KIAA1549L: variants seen among roughly 807,000 people sequenced by gnomAD.
KIAA1549L encodes UPF0606 protein KIAA1549L.
A neutral mutation model predicts 160.7 loss-of-function variants in KIAA1549L; 88 were observed. The observed-to-expected ratio is 0.55, with a 90% CI of 0.46 to 0.65. The LOEUF is 0.65. KIAA1549L is among the 30% of genes least tolerant of loss of function. The probability of loss-of-function intolerance (pLI) is 0.00; values close to 1 mark genes in which losing one functional copy is unlikely to be tolerated. For synonymous variants in KIAA1549L, 950 were observed against 976.7 expected (o/e 0.97, Z 0.51); for missense variants, 2,258 against 2,437.5 (o/e 0.93, Z 1.55).
intron 11 of KIAA1549L, among the ~76,000 whole-genome samples, chr11:33,586,637 C>T (rs1458423040): frequency 2.0e-5 from 3 of 152,018 alleles, no homozygotes; most frequent in African/African-American, 7.2e-5. Flanking sequence ...CTTGGAGGGT[C>T]TGTAATCTTT....
At chr11:33,561,609 C>T in intron 7 of KIAA1549L, 67 bp from the exon 8 acceptor site, 2 of 1,259,236 alleles carry the variant, frequency 1.6e-6, no homozygotes, top group Non-Finnish European at 2.3e-6. Context: ...TCAAATATAA[C>T]TAAATAAATG....
chr11:33,475,134 C>T (rs1416183926), intron 1 of KIAA1549L, among the ~76,000 whole-genome samples: 1 of 152,134 alleles, frequency 6.6e-6, no homozygotes, highest in Non-Finnish European at 1.5e-5. Flanking sequence ...CAGAGGGGGC[C>T]AGAGCTGTAT....
intron 1 of KIAA1549L, among the ~76,000 whole-genome samples, chr11:33,390,135 A>G (rs1276857880): frequency 6.6e-6 from 1 of 152,238 alleles, no homozygotes; most frequent in African/African-American, 2.4e-5. Context: ...TTCAGAAGAG[A>G]GAACTGAGGC....
At chr11:33,470,353 G>T (rs966851459) in intron 1 of KIAA1549L, among the ~76,000 whole-genome samples, 6 of 152,054 alleles carry the variant, frequency 3.9e-5, no homozygotes, top group African/African-American at 1.4e-4. Flanking sequence ...TGGACTCTCA[G>T]TTCTATTACA....
intron 9 of KIAA1549L, among the ~76,000 whole-genome samples, chr11:33,571,254 G>T (rs1230207802): frequency 2.0e-5 from 3 of 151,272 alleles, no homozygotes; most frequent in East Asian, 3.8e-4. Flanking sequence ...CTGCACTGCA[G>T]CCTGGTGACA....
At position 33,614,531 on chromosome 11, in the gene KIAA1549L, G is replaced by GCTATATATATATATAT. The variant is rs879500574; in HGVS notation, c.5280-4002_5280-4001insCTATATATATATATAT. Among the ~76,000 whole-genome samples the GCTATATATATATATAT allele has an allele frequency of 8.5e-4, 23 of 27,114 alleles. 8 individuals are homozygous for GCTATATATATATATAT. Among genetic ancestry groups the GCTATATATATATATAT allele is most frequent in the Admixed American group, 2.0e-3 (3 of 1,500 alleles). The allele number at this position is 27,114 out of a possible 152,430, so 17.8% of individuals were successfully genotyped here. Reference sequence around the variant, plus strand: ...CTCTTGGGATCTGTGAGTGTAACAAGATATATATATATATATATATATATA... The same window carrying GCTATATATATATATAT: ...CTCTTGGGATCTGTGAGTGTAACAAGCTATATATATATATATATATATATATATATATATATATATA... On this transcript the variant is annotated intron_variant, in intron 15 of 20. Transcript: ENST00000658780.
rs1324537637 is a variant in KIAA1549L at position 33,435,804 on chromosome 11, A to G, written c.238+58915A>G. 6.6e-3 allele frequency among the ~76,000 whole-genome samples: 113 copies of G among 17,094 alleles called. 1 individual carries two copies. Among genetic ancestry groups the G allele is most frequent in the African/African-American group, 8.4e-3 (26 of 3,092 alleles). The allele number at this position is 17,094 out of a possible 152,430, so 11.2% of individuals were successfully genotyped here. A position where few individuals can be genotyped will look rare whatever the true frequency, so the allele number is the denominator to read the frequency against. On this transcript the variant is annotated intron_variant, in intron 1 of 20. Transcript: ENST00000658780. ...TATATATATATATATATATATATAT[A>G]TATATATGTGTGTGTATATATATAT...
intron 7 of KIAA1549L, 80 bp downstream of exon 7, chr11:33,559,991 G>T: frequency 7.9e-7 from 1 of 1,262,596 alleles, no homozygotes; most frequent in African/African-American, 1.5e-5. Flanking sequence ...ATAGTGCCAG[G>T]CCACATACTA....
At chr11:33,665,046 C>T (rs1852393883) in intron 20 of KIAA1549L, among the ~76,000 whole-genome samples, 1 of 152,222 alleles carries the variant, frequency 6.6e-6, no homozygotes, top group Non-Finnish European at 1.5e-5. Context: ...CACACCCTCT[C>T]TGGTCAGCCT....
At chr11:33,616,871 G>T (rs758496847) in intron 15 of KIAA1549L, among the ~76,000 whole-genome samples, 6 of 152,148 alleles carry the variant, frequency 3.9e-5, no homozygotes, top group Non-Finnish European at 1.5e-5. Flanking sequence ...GGGCACGGAG[G>T]CTCACACCTG....
At position 33,658,829 on chromosome 11, in the gene KIAA1549L, T is replaced by A. The variant is rs1165451401; in HGVS notation, c.5938T>A (p.Ser1980Thr). ...GCCGGCCCAGCTGCACGACAGCGCC[T>A]CCTTCACGCAGATGTCCAGAGGCCC... ...PEPAQLHDSA[S>T]FTQMSRGPVS... is the part of the protein sequence containing the mutation. The change falls in exon 19 of 21, where the codon TCC becomes ACC. Residue 1980 changes from serine to threonine, a missense_variant. By Grantham distance (58) the Ser-to-Thr change is moderately conservative. This residue lies in a region of KIAA1549L where 1,359 missense variants were observed against 1,546.6 expected (regional missense o/e 0.88). Coordinates refer to ENST00000658780, the MANE Select transcript of KIAA1549L (RefSeq NM_012194.3). The A allele has an allele frequency of 6.4e-7, 1 of 1,564,534 alleles. No individual in the cohort carries two copies.
At chr11:33,552,432 G>T (rs1265595955) in intron 6 of KIAA1549L, among the ~76,000 whole-genome samples, 191 bp downstream of exon 6, 2 of 152,120 alleles carry the variant, frequency 1.3e-5, no homozygotes, top group African/African-American at 4.8e-5. Context: ...ACCTATTGTG[G>T]TTTGGGGTTT....
chr11:33,429,223 C>T (rs1262020248), intron 1 of KIAA1549L, among the ~76,000 whole-genome samples: 20 of 152,182 alleles, frequency 1.3e-4, no homozygotes, highest in Admixed American at 5.2e-4. Context: ...CCGCCCACCT[C>T]GGCCTCCCAA....
chr11:33,407,080 C>CCT (rs1491483483), intron 1 of KIAA1549L, among the ~76,000 whole-genome samples: 2 of 79,576 alleles, frequency 2.5e-5, no homozygotes, highest in African/African-American at 5.5e-5. Flanking sequence ...TTTCTTTTTT[C>CCT]ATTTTTTTTT....
intron 1 of KIAA1549L, among the ~76,000 whole-genome samples, chr11:33,517,255 T>A (rs1853368406): frequency 6.6e-6 from 1 of 152,232 alleles, no homozygotes; most frequent in South Asian, 2.1e-4. Flanking sequence ...CATATTTCTA[T>A]TATTTCTGCT....
At position 33,519,117 on chromosome 11, in the gene KIAA1549L, C is replaced by T. The variant is rs193165061; in HGVS notation, c.239-22685C>T. 5.9e-5 allele frequency among the ~76,000 whole-genome samples: 9 copies of T among 152,190 alleles called. No homozygotes were observed. In the East Asian group the frequency reaches 1.5e-3, roughly 26 times the overall value. The stretch of plus-strand genomic sequence containing the variant: ...TGGATGTTTTGAACATGAGAACTGT[C>T]TAATGTAGGTTAGCATGAAAAATAA... On this transcript the variant is annotated intron_variant, in intron 1 of 20. Coordinates refer to ENST00000658780, the MANE Select transcript of KIAA1549L (RefSeq NM_012194.3).
chr11:33,445,767 C>T (rs1851598381), intron 1 of KIAA1549L, among the ~76,000 whole-genome samples: 1 of 152,156 alleles, frequency 6.6e-6, no homozygotes, highest in South Asian at 2.1e-4. Flanking sequence ...AATAAGATAA[C>T]AGATGTAAAG....
At chr11:33,495,613 A>G (rs1386553487) in intron 1 of KIAA1549L, among the ~76,000 whole-genome samples, 1 of 152,206 alleles carries the variant, frequency 6.6e-6, no homozygotes, top group Non-Finnish European at 1.5e-5. Context: ...TTATAGCAGC[A>G]TGATTTATAG....
chr11:33,393,765 C>G (rs1307061526), intron 1 of KIAA1549L, among the ~76,000 whole-genome samples: 1 of 152,086 alleles, frequency 6.6e-6, no homozygotes, highest in South Asian at 2.1e-4. Flanking sequence ...GTCTAGGGTA[C>G]GAAGGTGTGC....
Sources: gnomAD v4.1 joint callset for allele counts (sites outside exome capture counted in the v4.1 genomes callset) on GRCh38, gnomAD v4.1.1 for gene constraint, gnomAD v4.1.1 regional missense constraint, MANE v1.5 for transcripts, NCBI Gene and HGNC (gene_info 2026-07-23, HGNC 2026-07-21) for gene names.